ZFHX2: variants seen among roughly 807,000 people sequenced by gnomAD.
The protein encoded by ZFHX2 is zinc finger homeobox 2.
In ZFHX2, 75 loss-of-function variants were observed where a neutral mutation model predicts 164.8. The ratio of observed to expected loss-of-function variants is 0.46; its 90% CI spans 0.38 to 0.55. The LOEUF is 0.55. Among genes scored for constraint, ZFHX2 ranks in the 20% least tolerant of loss-of-function variants. ZFHX2 has a pLI of 0.00. For missense variants in ZFHX2, 2,933 were observed against 3,308.0 expected (o/e 0.89, Z 2.78); for synonymous variants, 1,217 against 1,351.4 (o/e 0.90, Z 2.18).
At position 23,535,173 on chromosome 14, in the gene ZFHX2, C is replaced by T. The variant is rs1278744163; in HGVS notation, c.153G>A (p.Met51Ile). The T allele has an allele frequency of 3.9e-6, 6 of 1,534,814 alleles. No homozygotes were observed. The highest frequency in any genetic ancestry group is 2.0e-5 in the Admixed American group (1 of 50,978). ...PPAASSTSEN[M>I]RSSEPGGQLL... ...GCTGTCCCCCTGGCTCTGAGGACCTCATGTTCTCAGAGGTGGAGGAGGCAG... is the reference window on the plus strand; with the variant it reads ...GCTGTCCCCCTGGCTCTGAGGACCTTATGTTCTCAGAGGTGGAGGAGGCAG... Residue 51 changes from methionine to isoleucine, a missense_variant, in exon 2 of 10, where the codon ATG becomes ATA. Physicochemically the swap from Met to Ile is conservative, Grantham distance 10. Transcript: ENST00000419474. This position sits in a 1 kb window ranked among gnomAD's most constrained non-coding sequence, Gnocchi z 4.5.
chr14:23,548,767 T>A (rs945681096), intron 1 of ZFHX2, among the ~76,000 whole-genome samples: 1 of 152,196 alleles, frequency 6.6e-6, no homozygotes, highest in Non-Finnish European at 1.5e-5. Flanking sequence ...TTTCTCTCCC[T>A]CTCTTGGGCA....
rs1555344723 is a variant in ZFHX2 at position 23,524,204 on chromosome 14, C to T, written c.5738G>A (p.Arg1913Lys). The change falls in exon 9 of 10, where the codon AGG (arginine) becomes AAG (lysine). Residue 1913 changes from arginine (R) to lysine (K), a missense_variant. Arg to Lys is a conservative substitution (Grantham distance 26, BLOSUM62 2). Transcript: ENST00000419474. This position sits in a 1 kb window ranked among gnomAD's most constrained non-coding sequence, Gnocchi z 5.6. ...AGGGGTGCTTCGAAACTGGCCTTTCCTCTCCCGGGCCCTGGTATTCTGGAA... is the reference window on the plus strand; with the variant it reads ...AGGGGTGCTTCGAAACTGGCCTTTCTTCTCCCGGGCCCTGGTATTCTGGAA... ...VWFQNTRARERKGQFRSTPGG... is the reference protein window; with the variant it reads ...VWFQNTRAREKKGQFRSTPGG... 2.0e-6 allele frequency: 3 copies of T among 1,536,408 alleles called. No individual in the cohort carries two copies. Among genetic ancestry groups the T allele is most frequent in the Non-Finnish European group, 2.6e-6 (3 of 1,147,016 alleles).
At position 23,534,387 on chromosome 14, in the gene ZFHX2, G is replaced by A; in HGVS notation, c.939C>T (p.Asn313=). ...CTGTCTGGGCCACATTCGCCTCCATGTTCACTGTGCTGCTGTTGTCAAGGG... is the reference window on the plus strand; with the variant it reads ...CTGTCTGGGCCACATTCGCCTCCATATTCACTGTGCTGCTGTTGTCAAGGG... ...DIPLDNSSTV[N]MEANVAQTED... is the part of the protein sequence containing the mutation. Residue 313 remains asparagine (N), a synonymous_variant, in exon 2 of 10, where the codon AAC becomes AAT. Coordinates refer to ENST00000419474, the MANE Select transcript of ZFHX2 (RefSeq NM_033400.3). This position sits in a 1 kb window ranked among gnomAD's most constrained non-coding sequence, Gnocchi z 4.5. 1 of 1,536,848 alleles carries A rather than the reference G, an allele frequency of 6.5e-7. No individual in the cohort carries two copies. The highest frequency in any genetic ancestry group is 1.2e-5 in the South Asian group (1 of 84,070).
At position 23,550,375 on chromosome 14, in the gene ZFHX2, A is replaced by G. The variant is rs541234523; in HGVS notation, c.-50+968T>C. 7.9e-5 allele frequency among the ~76,000 whole-genome samples: 12 copies of G among 152,350 alleles called. No individual in the cohort carries two copies. In the East Asian group the frequency reaches 1.7e-3, roughly 22 times the overall value. ...AAAGTAGCCTGAAAAGGCCAGAGATATCCAGACAGACTCTGAAGGAGAGGG... is the reference window on the plus strand; with the variant it reads ...AAAGTAGCCTGAAAAGGCCAGAGATGTCCAGACAGACTCTGAAGGAGAGGG... On this transcript the variant is annotated intron_variant, in intron 1 of 9. Coordinates refer to ENST00000419474, the MANE Select transcript of ZFHX2 (RefSeq NM_033400.3).
chr14:23,531,781 C>T, intron 3 of ZFHX2, 60 bp from the exon 4 acceptor site: 2 of 1,078,956 alleles, frequency 1.9e-6, no homozygotes, highest in Non-Finnish European at 1.2e-6. Context: ...CCTCAGGGGA[C>T]TTTTTTTTTT....
At position 23,524,080 on chromosome 14, in the gene ZFHX2, A is replaced by G. The variant is rs1321315231; in HGVS notation, c.5862T>C (p.Thr1954=). 20 of 1,526,344 alleles carry G rather than the reference A, an allele frequency of 1.3e-5. No individual in the cohort carries two copies. The allele number at this position is 1,526,344 out of a possible 1,614,324, so 94.6% of individuals were successfully genotyped here. The change falls in exon 9 of 10, where the codon ACT becomes ACC. Residue 1954 remains threonine, a synonymous_variant. Transcript: ENST00000419474. This position sits in a 1 kb window ranked among gnomAD's most constrained non-coding sequence, Gnocchi z 5.6. ...CTTCCCTCTTTGGGGCTTCCCTCCC[A>G]GTGCCATCATCTACCTTGCCTAATA... ...NLLLGKVDDG[T]GREAPKREAP...
chr14:23,550,459 A>AC (rs1881834553), intron 1 of ZFHX2, among the ~76,000 whole-genome samples: 1 of 152,250 alleles, frequency 6.6e-6, no homozygotes, highest in South Asian at 2.1e-4. Flanking sequence ...TGATAGAGAC[A>AC]CACAAGGAGA....
chr14:23,525,758 G>T lies in ZFHX2; in HGVS notation c.4184C>A (p.Pro1395His). Residue 1395 changes from proline (P) to histidine (H), a missense_variant, in exon 9 of 10, where the codon CCT (proline) becomes CAT (histidine). By Grantham distance (77) the Pro-to-His change is moderately conservative (BLOSUM62 -2). Transcript: ENST00000419474. The surrounding 1 kb of genome is among the most constrained non-coding windows in gnomAD (Gnocchi z 5.9). ...AGCCTTGGGAGGTTGGGGTGGAGGA[G>T]GAGGGGTGGCAGCTGGCAGGGACAG... ...PVLSLPAATP[P>H]PPPQPPKAEL... is the part of the protein sequence containing the mutation. 1 of 1,507,070 alleles carries T rather than the reference G, an allele frequency of 6.6e-7. No individual in the cohort carries two copies. The highest frequency in any genetic ancestry group is 8.8e-7 in the Non-Finnish European group (1 of 1,131,874). 93.4% of individuals were successfully genotyped at this position (1,507,070 alleles called of 1,614,324 possible).
chr14:23,524,753 C>G lies in ZFHX2; in HGVS notation c.5189G>C (p.Gly1730Ala). Residue 1730 changes from glycine to alanine, a missense_variant, in exon 9 of 10, where the codon GGG becomes GCG. Gly to Ala is a moderately conservative substitution (Grantham distance 60). Coordinates refer to ENST00000419474, the MANE Select transcript of ZFHX2 (RefSeq NM_033400.3). The surrounding 1 kb of genome is among the most constrained non-coding windows in gnomAD (Gnocchi z 5.6). Reference sequence around the variant, plus strand: ...AGGCTCTGGTAATGGGCCCTCAGGCCCTGCTGGAGGTTCAAGGCCCTGTTC... The same window carrying G: ...AGGCTCTGGTAATGGGCCCTCAGGCGCTGCTGGAGGTTCAAGGCCCTGTTC... Reference protein sequence around the residue: ...EEEQGLEPPAGPEGPLPEPPD... With the variant: ...EEEQGLEPPAAPEGPLPEPPD... 6.5e-7 allele frequency: 1 copy of G among 1,536,426 alleles called. No homozygotes were observed. The highest frequency in any genetic ancestry group is 8.7e-7 in the Non-Finnish European group (1 of 1,146,944).
chr14:23,524,863 A>G lies in ZFHX2; in HGVS notation c.5079T>C (p.Tyr1693=). The change falls in exon 9 of 10, where the codon TAT becomes TAC. Residue 1693 remains tyrosine (Y), a synonymous_variant. Transcript: ENST00000419474. This position sits in a 1 kb window ranked among gnomAD's most constrained non-coding sequence, Gnocchi z 5.6. ...FELVRHLKKC[Y]DDQTLEEEEE... is the part of the protein sequence containing the mutation. ...CCTCCTCTTCAAGGGTCTGGTCATC[A>G]TAGCACTTCTTGAGGTGGCGCACCA... 6.5e-7 allele frequency: 1 copy of G among 1,536,544 alleles called. No homozygotes were observed. The highest frequency in any genetic ancestry group is 8.7e-7 in the Non-Finnish European group (1 of 1,147,000).
intron 6 of ZFHX2, chr14:23,529,393 T>G: frequency 3.0e-6 from 1 of 331,582 alleles, no homozygotes. Context: ...GTTGTTTGCT[T>G]TTGCCTTTCT....
intron 4 of ZFHX2, chr14:23,530,650 G>T (rs1435345660): frequency 2.9e-6 from 1 of 346,630 alleles, no homozygotes; most frequent in Non-Finnish European, 5.6e-6. Flanking sequence ...ATTGACAGAT[G>T]TGTAGGAATT....
At position 23,522,628 on chromosome 14, in the gene ZFHX2, G is replaced by A. The variant is rs997070978; in HGVS notation, c.7053C>T (p.Pro2351=). 5 of 1,534,860 alleles carry A rather than the reference G, an allele frequency of 3.3e-6. No homozygotes were observed. The highest frequency in any genetic ancestry group is 4.4e-6 in the Non-Finnish European group (5 of 1,145,968). Reference sequence around the variant, plus strand: ...CTGGCGGTGCTGTTCCCCCAGCAGGGGGCAATGGAAAGGGCAGGAACTGGC... The same window carrying A: ...CTGGCGGTGCTGTTCCCCCAGCAGGAGGCAATGGAAAGGGCAGGAACTGGC... The part of the protein sequence containing the change: ...LGGQFLPFPL[P]PAGGTAPPAV... The change falls in exon 10 of 10, where the codon CCC becomes CCT. Residue 2351 remains proline (P), a synonymous_variant. Coordinates refer to ENST00000419474, the MANE Select transcript of ZFHX2 (RefSeq NM_033400.3).
chr14:23,525,617 G>T lies in ZFHX2; in HGVS notation c.4325C>A (p.Ala1442Asp). ...PNEAARTAAK[A>D]LLENFGFELV... ...CTCAAAGCCAAAGTTTTCTAGAAGG[G>T]CTTTGGCTGCAGTGCGGGCAGCCTC... The change falls in exon 9 of 10, where the codon GCC (alanine) becomes GAC (aspartate). Residue 1442 changes from alanine to aspartate, a missense_variant. Transcript: ENST00000419474. This position sits in a 1 kb window ranked among gnomAD's most constrained non-coding sequence, Gnocchi z 5.9. 1 of 1,535,826 alleles carries T rather than the reference G, an allele frequency of 6.5e-7. No individual in the cohort carries two copies. The highest frequency in any genetic ancestry group is 8.7e-7 in the Non-Finnish European group (1 of 1,146,880).
chr14:23,539,465 T>C (rs945151076), intron 1 of ZFHX2, among the ~76,000 whole-genome samples: 8 of 152,270 alleles, frequency 5.3e-5, no homozygotes. Context: ...AGATGTAAAG[T>C]TGCAGAAACA....
At chr14:23,528,390 C>G (rs1236561096) in intron 6 of ZFHX2, among the ~76,000 whole-genome samples, 1 of 152,212 alleles carries the variant, frequency 6.6e-6, no homozygotes, top group Admixed American at 6.5e-5. Context: ...CCTGGCCTCT[C>G]TGCCTTTTCT....
intron 1 of ZFHX2, among the ~76,000 whole-genome samples, chr14:23,547,135 A>C (rs1388922095): frequency 1.3e-5 from 2 of 152,186 alleles, no homozygotes; most frequent in African/African-American, 4.8e-5. Flanking sequence ...CCTCTTCTAG[A>C]TACCTCTGGA....
At chr14:23,551,808 C>A (rs1288093192), upstream of ZFHX2, among the ~76,000 whole-genome samples, 1 of 152,138 alleles carries the variant, frequency 6.6e-6, no homozygotes, top group African/African-American at 2.4e-5. The surrounding 1 kb of genome is among the most constrained non-coding windows in gnomAD (Gnocchi z 5.3). Context: ...TGAGCAGGTG[C>A]AGCGACCCGC....
intron 1 of ZFHX2, chr14:23,544,321 G>A (rs2138883143): frequency 6.6e-6 from 1 of 151,916 alleles, no homozygotes; most frequent in East Asian, 1.9e-4. Context: ...AACTCATGGA[G>A]TTGAGTCCAT....
Sources: allele counts gnomAD v4.1 joint callset (sites outside exome capture counted in the v4.1 genomes callset), GRCh38; gene constraint gnomAD v4.1.1; non-coding constraint Gnocchi (gnomAD v3.1); transcripts MANE v1.5; gene names NCBI Gene and HGNC (gene_info 2026-07-23, HGNC 2026-07-21).